The following SEL1L3 variants were observed in gnomAD, a reference collection of about 807,000 sequenced individuals.
The protein encoded by SEL1L3 is protein sel-1 homolog 3.
SEL1L3 carries 76 observed loss-of-function variants against 142.8 expected under a neutral mutation model. The ratio of observed to expected loss-of-function variants is 0.53; its 90% confidence interval spans 0.44 to 0.64. SEL1L3 has a LOEUF of 0.64. Among genes scored for constraint, SEL1L3 ranks in the 30% least tolerant of loss-of-function variants. The pLI, the probability that SEL1L3 is intolerant of heterozygous loss-of-function variation, is 0.00. For synonymous variants in SEL1L3, 504 were observed against 519.6 expected (o/e 0.97, Z 0.41); for missense variants, 1,262 against 1,381.7 (o/e 0.91, Z 1.37).
At chr4:25,767,478 T>C (rs1358891806) in intron 19 of SEL1L3, 47 bp downstream of exon 19, 1 of 1,005,722 alleles carries the variant, frequency 9.9e-7, no homozygotes, top group Admixed American at 2.1e-5. Context: ...TTACTAAAGA[T>C]TAAAAACACC....
intron 11 of SEL1L3, among the ~76,000 whole-genome samples, chr4:25,794,191 A>G (rs564234491): frequency 6.6e-6 from 1 of 152,366 alleles, no homozygotes; most frequent in East Asian, 1.9e-4. Context: ...ATTAAACTAA[A>G]CAGCTTCTGC....
chr4:25,817,901 A>G (rs186070320), intron 9 of SEL1L3, among the ~76,000 whole-genome samples: 24 of 152,324 alleles, frequency 1.6e-4, no homozygotes, highest in Admixed American at 1.1e-3. Context: ...TTGGCTTTCA[A>G]TAAAGAATTG....
intron 11 of SEL1L3, among the ~76,000 whole-genome samples, chr4:25,797,642 C>T (rs1249711975): frequency 2.0e-5 from 3 of 152,168 alleles, no homozygotes; most frequent in Non-Finnish European, 4.4e-5. Flanking sequence ...GAACGAAACA[C>T]GGGTCCCCTC....
chr4:25,751,227 C>A (rs1277941601), intron 23 of SEL1L3, among the ~76,000 whole-genome samples: 1 of 151,870 alleles, frequency 6.6e-6, no homozygotes, highest in Non-Finnish European at 1.5e-5. Flanking sequence ...CTTGGTGTAC[C>A]CTCCCAAAGA....
At chr4:25,796,449 ATG>A (rs557220190) in intron 11 of SEL1L3, among the ~76,000 whole-genome samples, 3 of 151,588 alleles carry the variant, frequency 2.0e-5, no homozygotes, top group East Asian at 1.9e-4. Flanking sequence ...AAAAAAAAAT[ATG>A]TGTGTGTGTG....
At chr4:25,777,700 C>T in intron 16 of SEL1L3, 1 of 391,688 alleles carries the variant, frequency 2.6e-6, no homozygotes, top group Non-Finnish European at 5.1e-6. Flanking sequence ...ACAGAAAATC[C>T]ACAAAACATG....
At chr4:25,719,205 G>C in the SEL1L3 span, 6 of 152,018 alleles carry the variant, frequency 3.9e-5, no homozygotes, top group African/African-American at 1.4e-4. Context: ...GAAAAGAAAA[G>C]TATTATTACT....
chr4:25,856,799 T>C (rs1717293868), intron 1 of SEL1L3, among the ~76,000 whole-genome samples: 1 of 152,004 alleles, frequency 6.6e-6, no homozygotes. Context: ...TTTAAGAAAA[T>C]CAATAAGAAG....
chr4:25,781,240 T>C (rs1415048933), intron 15 of SEL1L3, among the ~76,000 whole-genome samples: 1 of 152,186 alleles, frequency 6.6e-6, no homozygotes, highest in Non-Finnish European at 1.5e-5. Flanking sequence ...TCTGGTGGAA[T>C]GAAAGCTTCA....
intron 20 of SEL1L3, among the ~76,000 whole-genome samples, chr4:25,764,776 A>G (rs1347632044): frequency 6.6e-6 from 1 of 152,170 alleles, no homozygotes; most frequent in African/African-American, 2.4e-5. Context: ...TAAATAGGGT[A>G]TAATAATCCG....
At chr4:25,764,574 C>T (rs1718592627) in intron 20 of SEL1L3, among the ~76,000 whole-genome samples, 1 of 152,116 alleles carries the variant, frequency 6.6e-6, no homozygotes, top group African/African-American at 2.4e-5. Flanking sequence ...TTAAGCAAAG[C>T]CCAACAGTAC....
At chr4:25,827,225 A>G (rs1314638193) in intron 6 of SEL1L3, among the ~76,000 whole-genome samples, 2 of 152,202 alleles carry the variant, frequency 1.3e-5, no homozygotes, top group African/African-American at 2.4e-5. Flanking sequence ...TTCATATGTC[A>G]AAGTCCAAAT....
At chr4:25,740,996 G>T in the SEL1L3 span, among the ~76,000 whole-genome samples, 1 of 152,026 alleles carries the variant, frequency 6.6e-6, no homozygotes, top group Non-Finnish European at 1.5e-5. Context: ...TGTTGGCCAG[G>T]CTGGTCTTGA....
intron 23 of SEL1L3, among the ~76,000 whole-genome samples, chr4:25,750,390 G>T (rs969821292): frequency 1.3e-5 from 2 of 152,130 alleles, no homozygotes; most frequent in Admixed American, 1.3e-4. Flanking sequence ...GCTGATCTCT[G>T]CTGTTAGGAA....
intron 15 of SEL1L3, among the ~76,000 whole-genome samples, chr4:25,780,152 C>T (rs1024108600): frequency 6.6e-6 from 1 of 152,138 alleles, no homozygotes; most frequent in African/African-American, 2.4e-5. Flanking sequence ...ACCCCTGACT[C>T]TTCTCCACCT....
intron 7 of SEL1L3, among the ~76,000 whole-genome samples, chr4:25,820,833 T>G (rs923027112): frequency 1.3e-5 from 2 of 152,208 alleles, no homozygotes; most frequent in Non-Finnish European, 2.9e-5. Flanking sequence ...CAGGCTGCAG[T>G]GCAGTCGCAC....
chr4:25,830,202 T>A, intron 5 of SEL1L3, 46 bp from the exon 6 acceptor site: 1 of 1,194,730 alleles, frequency 8.4e-7, no homozygotes, highest in Non-Finnish European at 1.2e-6. Context: ...CTCATCACCC[T>A]ACATTACCTA....
In SEL1L3 at chr4:25,765,414, AG is replaced by A; in HGVS notation, c.2866del (p.Leu956PhefsTer38). 1 of 1,612,270 alleles carries A rather than the reference AG, an allele frequency of 6.2e-7. No homozygotes were observed. Among genetic ancestry groups the A allele is most frequent in the Non-Finnish European group, 8.5e-7 (1 of 1,178,302 alleles). On this transcript the variant is annotated frameshift_variant, in exon 20 of 24. Coordinates refer to ENST00000399878, the MANE Select transcript of SEL1L3 (RefSeq NM_015187.5). LOFTEE classifies it high-confidence loss of function. ...CTGGTTTTGGTGGCCATAGTAGTAA[AG>A]GTCTCCCATCTTCAAATATGCTGCA... is the stretch of plus-strand genomic sequence containing the variant. Reference protein sequence around the residue: ...PSFAYLKMGDLYYYGHQNQSQ... With the variant: ...PSFAYLKMGDXYYYGHQNQSQ...
In SEL1L3 at chr4:25,747,510, T is replaced by G. The variant is rs1296011160; in HGVS notation, c.*915A>C. The G allele has an allele frequency of 1.3e-5, 2 of 152,054 alleles. No homozygotes were observed. Among genetic ancestry groups the G allele is most frequent in the Non-Finnish European group, 2.9e-5 (2 of 68,020 alleles). The allele number at this position is 152,054 out of a possible 1,614,324, so 9.4% of individuals were successfully genotyped here. A position where few individuals can be genotyped will look rare whatever the true frequency, so the allele number is the denominator to read the frequency against. ...AGTAGTTTGGACCCACAATATTGCA[T>G]TACTGATTTATTCACTACCTTAGCA... On this transcript the variant is annotated 3_prime_UTR_variant, in exon 24 of 24. Coordinates refer to ENST00000399878, the MANE Select transcript of SEL1L3 (RefSeq NM_015187.5).
Sources: gnomAD v4.1 joint callset for allele counts (sites outside exome capture counted in the v4.1 genomes callset) on GRCh38, gnomAD v4.1.1 for gene constraint, MANE v1.5 for transcripts, NCBI Gene and HGNC (gene_info 2026-07-23, HGNC 2026-07-21) for gene names.